The following XKR9 variants were observed in gnomAD, a reference collection of about 807,000 sequenced individuals.
The protein encoded by XKR9 is XK related 9.
A neutral mutation model predicts 32.0 loss-of-function variants in XKR9; 32 were observed. That is an observed-to-expected ratio of 1.00 (90% confidence interval 0.76 to 1.34). XKR9 has a LOEUF of 1.34. Ranked by LOEUF, XKR9 falls within the 40% of genes most tolerant of loss-of-function variation. The pLI is 0.00. For missense variants in XKR9, 546 were observed against 429.7 expected, an observed-to-expected ratio of 1.27 and a Z score of -2.39; for synonymous variants, 168 against 143.4, an observed-to-expected ratio of 1.17 and a Z score of -1.22.
the XKR9 span, among the ~76,000 whole-genome samples, chr8:71,013,755 G>A: frequency 6.6e-6 from 1 of 152,134 alleles, no homozygotes; most frequent in Non-Finnish European, 1.5e-5. Context: ...AGCCCCTTGT[G>A]TGTTCTGAGA....
intron 3 of XKR9, among the ~76,000 whole-genome samples, chr8:70,704,329 A>G (rs890271347): frequency 5.3e-5 from 8 of 152,158 alleles, no homozygotes; most frequent in Admixed American, 1.3e-4. Flanking sequence ...TTTGCCATTA[A>G]TTGTTTCAGA....
chr8:70,909,005 T>A, the XKR9 span, among the ~76,000 whole-genome samples: 1 of 152,184 alleles, frequency 6.6e-6, no homozygotes, highest in Non-Finnish European at 1.5e-5. Flanking sequence ...AAAGATTTAT[T>A]GAATATTTTT....
At chr8:70,864,591 C>G in the XKR9 span, among the ~76,000 whole-genome samples, 1 of 152,292 alleles carries the variant, frequency 6.6e-6, no homozygotes, top group South Asian at 2.1e-4. Flanking sequence ...TTGGCTGCTA[C>G]TGAAAGTCTA....
intron 4 of XKR9, among the ~76,000 whole-genome samples, chr8:70,729,216 G>GT (rs1254090726): frequency 2.0e-5 from 3 of 152,158 alleles, no homozygotes; most frequent in African/African-American, 7.2e-5. Context: ...CTATACTGCC[G>GT]TAAGTTGAGA....
intron 2 of XKR9, among the ~76,000 whole-genome samples, chr8:70,754,660 G>A (rs1458473136): frequency 1.3e-5 from 2 of 151,252 alleles, no homozygotes; most frequent in Non-Finnish European, 3.0e-5. Flanking sequence ...CAAGCAATGG[G>A]GAAAGGATTC....
At chr8:70,982,450 G>T in the XKR9 span, among the ~76,000 whole-genome samples, 1 of 152,092 alleles carries the variant, frequency 6.6e-6, no homozygotes, top group Non-Finnish European at 1.5e-5. Context: ...AGTCATGCAG[G>T]TCACCAGGGA....
the XKR9 span, among the ~76,000 whole-genome samples, chr8:70,866,487 G>A: frequency 6.6e-6 from 1 of 152,148 alleles, no homozygotes; most frequent in East Asian, 1.9e-4. Context: ...TAGAGAATGA[G>A]CCAGTTAGCT....
At chr8:70,825,711 C>T in the XKR9 span, among the ~76,000 whole-genome samples, 1 of 152,026 alleles carries the variant, frequency 6.6e-6, no homozygotes, top group Non-Finnish European at 1.5e-5. Flanking sequence ...CTGTGAATGT[C>T]ATTGCTGTCA....
the XKR9 span, among the ~76,000 whole-genome samples, chr8:71,017,445 G>T: frequency 1.3e-5 from 2 of 152,132 alleles, no homozygotes; most frequent in African/African-American, 4.8e-5. Flanking sequence ...GAGTAGAGAG[G>T]TAGGAGGGAT....
chr8:70,742,459 A>T (rs1392998884), intron 2 of XKR9, among the ~76,000 whole-genome samples: 1 of 152,250 alleles, frequency 6.6e-6, no homozygotes, highest in Non-Finnish European at 1.5e-5. Flanking sequence ...AAAGGGCCTA[A>T]AGACTTTGAA....
the XKR9 span, among the ~76,000 whole-genome samples, chr8:70,920,037 T>G: frequency 1.3e-5 from 2 of 152,184 alleles, no homozygotes; most frequent in East Asian, 3.8e-4. Flanking sequence ...CGTAGTTACT[T>G]ATAAAATCTC....
At chr8:71,037,301 A>G in the XKR9 span, among the ~76,000 whole-genome samples, 1 of 152,300 alleles carries the variant, frequency 6.6e-6, no homozygotes, top group East Asian at 1.9e-4. Context: ...TTGGAAGTCA[A>G]TTTAGAATTC....
the XKR9 span, among the ~76,000 whole-genome samples, chr8:70,811,447 G>A: frequency 2.0e-5 from 3 of 152,046 alleles, no homozygotes; most frequent in Admixed American, 2.0e-4. Flanking sequence ...AATCAGAGCA[G>A]AACTGAAGGA....
the XKR9 span, among the ~76,000 whole-genome samples, chr8:70,951,934 G>A: frequency 6.6e-6 from 1 of 151,792 alleles, no homozygotes; most frequent in African/African-American, 2.4e-5. Context: ...TAACTCATTA[G>A]CAACCTCCTG....
the XKR9 span, among the ~76,000 whole-genome samples, chr8:70,956,334 G>T: frequency 1.3e-5 from 2 of 152,104 alleles, no homozygotes; most frequent in Admixed American, 6.5e-5. Context: ...CTTGATGAGT[G>T]AGTGTCTGTC....
chr8:70,797,977 A>T, the XKR9 span, among the ~76,000 whole-genome samples: 2 of 152,126 alleles, frequency 1.3e-5, no homozygotes, highest in African/African-American at 2.4e-5. Context: ...GGTTGATTCC[A>T]TGTCTTTGCT....
chr8:70,992,648 A>G, the XKR9 span, among the ~76,000 whole-genome samples: 33 of 152,254 alleles, frequency 2.2e-4, no homozygotes, highest in African/African-American at 7.7e-4. Context: ...AGACTAGAAG[A>G]CAGGAGAGGG....
the XKR9 span, among the ~76,000 whole-genome samples, chr8:70,961,101 C>CGGA: frequency 6.6e-6 from 1 of 152,032 alleles, no homozygotes; most frequent in Non-Finnish European, 1.5e-5. Context: ...ACCTGGGAGG[C>CGGA]GGAGGTTGTA....
rs1410371407 is a variant in XKR9 at position 70,672,278 on chromosome 8, A to G, written c.-360-2540A>G. Among the ~76,000 whole-genome samples the G allele has an allele frequency of 9.3e-5, 8 of 85,984 alleles. 2 individuals carry two copies. The highest frequency in any genetic ancestry group is 2.4e-4 in the Non-Finnish European group (8 of 33,634). 56.4% of individuals were successfully genotyped at this position (85,984 alleles called of 152,430 possible). The stretch of plus-strand genomic sequence containing the variant: ...CATTGCCAAGTCAATCCTAAGCCAA[A>G]AGAACAAAGCTGGAGGCATCACACT... On this transcript the variant is annotated intron_variant, in intron 1 of 4. Transcript: ENST00000408926.
Sources: gnomAD v4.1 joint callset for allele counts (sites outside exome capture counted in the v4.1 genomes callset) on GRCh38, gnomAD v4.1.1 for gene constraint, MANE v1.5 for transcripts, NCBI Gene and HGNC (gene_info 2026-07-23, HGNC 2026-07-21) for gene names.